The following MGRN1 variants were observed in gnomAD, a reference collection of about 807,000 sequenced individuals.
MGRN1 encodes the protein E3 ubiquitin-protein ligase MGRN1.
A neutral mutation model predicts 69.2 loss-of-function variants in MGRN1; 29 were observed. That is an observed-to-expected ratio of 0.42 (90% confidence interval 0.31 to 0.57). The LOEUF (loss-of-function observed/expected upper bound fraction) is 0.57, where lower values mean the gene tolerates loss of function less well. Among genes scored for constraint, MGRN1 ranks in the 20% least tolerant of loss-of-function variants. The pLI, the probability that MGRN1 is intolerant of heterozygous loss-of-function variation, is 0.15. For missense variants in MGRN1, 998 were observed against 796.2 expected (o/e 1.25, Z -3.05); for synonymous variants, 470 against 344.2 (o/e 1.37, Z -4.04).
chr16:4,686,262 TG>T, intron 16 of MGRN1: 1 of 1,544,100 alleles, frequency 6.5e-7, no homozygotes. Flanking sequence ...CGCGCAGCCC[TG>T]GGGCCCGACT....
intron 11 of MGRN1, 28 bp from the exon 12 acceptor site, chr16:4,680,004 G>A: frequency 1.2e-6 from 2 of 1,610,358 alleles, no homozygotes; most frequent in Non-Finnish European, 1.7e-6. Context: ...GGTGGTAGTT[G>A]TAAAACATAT....
At chr16:4,678,708 A>G (rs959571975) in intron 11 of MGRN1, among the ~76,000 whole-genome samples, 2 of 152,188 alleles carry the variant, frequency 1.3e-5, no homozygotes, top group Admixed American at 6.5e-5. Flanking sequence ...GGCCACGCGC[A>G]TTGTCAGATT....
Position 4,681,632 on chromosome 16 carries a change from TCC to T in MGRN1, c.1217_1218del (p.Pro406LeufsTer6). The T allele has an allele frequency of 6.2e-7, 1 of 1,613,466 alleles. No individual in the cohort carries two copies. On this transcript the variant is annotated frameshift_variant, in exon 13 of 17. Transcript: ENST00000262370. LOFTEE classifies it high-confidence loss of function. Reference sequence around the variant, plus strand: ...GGCCTCCGGGCTGTCTCCCCGGCCATCCCCTCGGCCCCTCTTTATGAAGAAAT... The same window carrying T: ...GGCCTCCGGGCTGTCTCCCCGGCCATCCTCGGCCCCTCTTTATGAAGAAAT...
chr16:4,675,443 A>G (rs1007326975), intron 10 of MGRN1, among the ~76,000 whole-genome samples: 2 of 152,178 alleles, frequency 1.3e-5, no homozygotes, highest in Admixed American at 6.5e-5. Flanking sequence ...AAATATTTCA[A>G]TAAATTTTTA....
chr16:4,675,383 G>C (rs1042548215), intron 10 of MGRN1, among the ~76,000 whole-genome samples: 3 of 152,294 alleles, frequency 2.0e-5, no homozygotes, highest in African/African-American at 7.2e-5. Flanking sequence ...GGGATTATGG[G>C]CATGAGCCAC....
At chr16:4,656,105 A>G (rs1482902193) in intron 4 of MGRN1, among the ~76,000 whole-genome samples, 1 of 152,212 alleles carries the variant, frequency 6.6e-6, no homozygotes, top group Non-Finnish European at 1.5e-5. Context: ...GCCACAGGCA[A>G]GCAGGGCGGT....
intron 1 of MGRN1, among the ~76,000 whole-genome samples, chr16:4,646,378 G>C (rs1034843802): frequency 6.6e-6 from 1 of 151,776 alleles, no homozygotes. Context: ...TGCAGTGATC[G>C]TGCCCCTGCA....
At chr16:4,625,269 T>C (rs1745888442) in intron 1 of MGRN1, among the ~76,000 whole-genome samples, 1 of 152,112 alleles carries the variant, frequency 6.6e-6, no homozygotes, top group South Asian at 2.1e-4. Flanking sequence ...ACTGCCCGGC[T>C]TGGGTGACCT....
chr16:4,681,528 C>A, intron 12 of MGRN1, 22 bp from the exon 13 acceptor site: 1 of 1,599,436 alleles, frequency 6.3e-7, no homozygotes, highest in Non-Finnish European at 8.5e-7. Flanking sequence ...CATGAGCCCC[C>A]TCACGCACCC....
chr16:4,645,265 C>T lies in MGRN1; in HGVS notation c.89-5100C>T, dbSNP rs140820193. 3.9e-4 allele frequency among the ~76,000 whole-genome samples: 59 copies of T among 152,178 alleles called. 1 individual carries two copies. The highest frequency in any genetic ancestry group is 1.1e-3 in the African/African-American group (47 of 41,522). ...GCAGCCTCGAACTCTTGGACTCAAG[C>T]GATCTTCCTGCCTCAGTGAGTGTCC... is the stretch of plus-strand genomic sequence containing the variant. On this transcript the variant is annotated intron_variant, in intron 1 of 16. Transcript: ENST00000262370.
intron 1 of MGRN1, among the ~76,000 whole-genome samples, chr16:4,644,314 T>G (rs1023775833): frequency 4.0e-5 from 6 of 148,682 alleles, no homozygotes; most frequent in African/African-American, 7.5e-5. Flanking sequence ...AGTTTTTTTT[T>G]TTTTTTTTTT....
chr16:4,629,952 AG>A (rs1441020777), intron 1 of MGRN1, among the ~76,000 whole-genome samples: 1 of 150,232 alleles, frequency 6.7e-6, no homozygotes, highest in East Asian at 2.0e-4. Context: ...AGGCTGAGTC[AG>A]GAGAATTGCT....
chr16:4,681,822 C>A, intron 13 of MGRN1, 46 bp downstream of exon 13: 3 of 1,564,140 alleles, frequency 1.9e-6, no homozygotes, highest in African/African-American at 2.7e-5. Flanking sequence ...TGTGGTGGCG[C>A]GCGTGCGGAG....
At chr16:4,678,705 C>T (rs528960592) in intron 11 of MGRN1, among the ~76,000 whole-genome samples, 109 of 152,298 alleles carry the variant, frequency 7.2e-4, no homozygotes, top group African/African-American at 2.4e-3. Flanking sequence ...ACTGGCCACG[C>T]GCATTGTCAG....
chr16:4,688,955 T>G lies in MGRN1; in HGVS notation c.*47T>G, dbSNP rs2079399174. The G allele has an allele frequency of 6.6e-7, 1 of 1,506,270 alleles. No individual in the cohort carries two copies. Among genetic ancestry groups the G allele is most frequent in the Admixed American group, 2.1e-5 (1 of 48,364 alleles). The allele number at this position is 1,506,270 out of a possible 1,614,324, so 93.3% of individuals were successfully genotyped here. On this transcript the variant is annotated 3_prime_UTR_variant, in exon 17 of 17. Transcript: ENST00000262370. ...ATGGAGCCCTCGGCTCCCCAGACTTTGCCGAGGGGCTGCTCCGGACCCCGT... is the reference window on the plus strand; with the variant it reads ...ATGGAGCCCTCGGCTCCCCAGACTTGGCCGAGGGGCTGCTCCGGACCCCGT...
chr16:4,661,196 C>T (rs1287761206), intron 5 of MGRN1, among the ~76,000 whole-genome samples: 2 of 150,626 alleles, frequency 1.3e-5, no homozygotes, highest in Non-Finnish European at 2.9e-5. Context: ...GTAGGCTGGT[C>T]TCAAACTCCC....
chr16:4,627,956 T>C (rs958301836), intron 1 of MGRN1, among the ~76,000 whole-genome samples: 4 of 145,244 alleles, frequency 2.8e-5, no homozygotes, highest in African/African-American at 1.0e-4. Flanking sequence ...GGCGGGCACC[T>C]GTAGTCCCAG....
intron 12 of MGRN1, chr16:4,681,335 C>A: frequency 1.8e-6 from 1 of 563,436 alleles, no homozygotes; most frequent in Non-Finnish European, 3.1e-6. Flanking sequence ...TCATCCCAGG[C>A]ACCAGCGTGG....
At chr16:4,635,547 G>C (rs1211186548) in intron 1 of MGRN1, among the ~76,000 whole-genome samples, 1 of 151,524 alleles carries the variant, frequency 6.6e-6, no homozygotes, top group Non-Finnish European at 1.5e-5. Flanking sequence ...TTAGCTCACT[G>C]CAACCTCTGC....
Sources: allele counts gnomAD v4.1 joint callset (sites outside exome capture counted in the v4.1 genomes callset), GRCh38; gene constraint gnomAD v4.1.1; transcripts MANE v1.5; gene names NCBI Gene and HGNC (gene_info 2026-07-23, HGNC 2026-07-21).